The following CCDC3 variants were observed in gnomAD, a reference collection of about 807,000 sequenced individuals.
CCDC3 encodes coiled-coil domain containing 3.
In CCDC3, 24 loss-of-function variants were observed where a neutral mutation model predicts 21.4. The ratio of observed to expected loss-of-function variants is 1.12; its 90% CI spans 0.81 to 1.58. CCDC3 has a LOEUF of 1.58. CCDC3 is among the 40% of genes most tolerant of loss of function. The pLI is 0.00. For synonymous variants in CCDC3, 186 were observed against 166.0 expected (o/e 1.12, Z -0.93); for missense variants, 425 against 360.9 (o/e 1.18, Z -1.44).
chr10:12,942,747 C>G (rs1465699052), intron 2 of CCDC3, among the ~76,000 whole-genome samples: 1 of 152,210 alleles, frequency 6.6e-6, no homozygotes, highest in Non-Finnish European at 1.5e-5. Context: ...ACTGCCTCCT[C>G]AAGCTCTTCT....
chr10:12,976,283 A>G (rs920519166), intron 2 of CCDC3, among the ~76,000 whole-genome samples: 2 of 152,238 alleles, frequency 1.3e-5, no homozygotes, highest in Admixed American at 1.3e-4. Flanking sequence ...CTGGTGGTTG[A>G]GCATTCATTC....
chr10:12,990,843 T>A (rs972251539), intron 2 of CCDC3, among the ~76,000 whole-genome samples: 1 of 152,212 alleles, frequency 6.6e-6, no homozygotes, highest in Non-Finnish European at 1.5e-5. Flanking sequence ...AAGTACAAGA[T>A]AGGCCAATGT....
chr10:12,930,995 G>C (rs1834630272), intron 2 of CCDC3, among the ~76,000 whole-genome samples: 2 of 152,180 alleles, frequency 1.3e-5, no homozygotes, highest in South Asian at 4.2e-4. Flanking sequence ...AGGATCACCT[G>C]AGGTCAGGAC....
At chr10:13,006,759 T>A (rs1045695339) in intron 5 of CCDC3, among the ~76,000 whole-genome samples, 1 of 152,158 alleles carries the variant, frequency 6.6e-6, no homozygotes, top group African/African-American at 2.4e-5. Context: ...GCACCTGGCT[T>A]ACCTTTCAGT....
intron 4 of CCDC3, among the ~76,000 whole-genome samples, chr10:13,061,210 C>T (rs1804586965): frequency 6.6e-6 from 1 of 152,146 alleles, no homozygotes; most frequent in Admixed American, 6.5e-5. Flanking sequence ...CTAAAATCTT[C>T]CTGAGGATAC....
chr10:12,928,421 G>C (rs571582884), intron 2 of CCDC3, among the ~76,000 whole-genome samples: 3 of 152,292 alleles, frequency 2.0e-5, no homozygotes, highest in African/African-American at 7.2e-5. Flanking sequence ...AACCGTTTTA[G>C]GAATTACAAT....
chr10:12,989,899 C>A (rs1427219893), intron 2 of CCDC3, among the ~76,000 whole-genome samples: 1 of 151,800 alleles, frequency 6.6e-6, no homozygotes, highest in African/African-American at 2.4e-5. Context: ...TTCTAGCAGT[C>A]ATTGCATTCT....
intron 2 of CCDC3, among the ~76,000 whole-genome samples, chr10:12,946,208 T>C (rs59474076): frequency 0.057 from 8,612 of 152,282 alleles, 242 homozygotes; most frequent in Non-Finnish European, 0.072. Flanking sequence ...GTGAATTCCA[T>C]ACTGAAACCA....
chr10:13,014,601 TC>T (rs1836028055), intron 5 of CCDC3, among the ~76,000 whole-genome samples: 1 of 151,108 alleles, frequency 6.6e-6, no homozygotes, highest in South Asian at 2.1e-4. Flanking sequence ...AACTGAAATG[TC>T]AATGGTGGTA....
chr10:13,061,776 T>A (rs1836760778), intron 4 of CCDC3, among the ~76,000 whole-genome samples: 1 of 152,206 alleles, frequency 6.6e-6, no homozygotes. Context: ...CAGGTTCAGA[T>A]AAAAGATTGT....
chr10:13,066,715 C>G (rs920753894), intron 4 of CCDC3, among the ~76,000 whole-genome samples: 1 of 152,122 alleles, frequency 6.6e-6, no homozygotes, highest in Non-Finnish European at 1.5e-5. Context: ...CCCAGGGCCT[C>G]GTCTGAGCCT....
chr10:13,027,794 G>A (rs1378412119), intron 5 of CCDC3, among the ~76,000 whole-genome samples: 1 of 151,506 alleles, frequency 6.6e-6, no homozygotes, highest in African/African-American at 2.4e-5. Flanking sequence ...GACCTTACAA[G>A]GTGACTACTA....
At chr10:12,926,882 A>G (rs77770015) in intron 2 of CCDC3, among the ~76,000 whole-genome samples, 8,026 of 152,300 alleles carry the variant, frequency 0.053, 237 homozygotes, top group Non-Finnish European at 0.071. Context: ...CATTATAATC[A>G]TAAATGTGTA....
At chr10:13,062,323 G>A (rs1308749833) in intron 4 of CCDC3, among the ~76,000 whole-genome samples, 1 of 152,174 alleles carries the variant, frequency 6.6e-6, no homozygotes, top group Non-Finnish European at 1.5e-5. Flanking sequence ...TTGCTAGAAA[G>A]CTTAGAGTCA....
chr10:13,094,814 C>T (rs1318064824), intron 3 of CCDC3, among the ~76,000 whole-genome samples: 4 of 151,882 alleles, frequency 2.6e-5, no homozygotes, highest in Non-Finnish European at 5.9e-5. Context: ...CAGTGAGCCA[C>T]GACTATGCCA....
At chr10:12,988,835 T>C (rs951121872) in intron 2 of CCDC3, among the ~76,000 whole-genome samples, 1 of 152,162 alleles carries the variant, frequency 6.6e-6, no homozygotes, top group African/African-American at 2.4e-5. Context: ...AGTAAATATA[T>C]GTAGAATGAA....
At position 12,927,560 on chromosome 10, in the gene CCDC3, C is replaced by T. The variant is rs138014580; in HGVS notation, c.550-28881G>A. On this transcript the variant is annotated intron_variant, in intron 2 of 2. Coordinates refer to ENST00000378825, the MANE Select transcript of CCDC3 (RefSeq NM_031455.4). ...AAAGCCACTGATTTCTTATGAGAAA[C>T]TGGTTCATTTATGCTACAAATGGCA... Among the ~76,000 whole-genome samples the T allele has an allele frequency of 4.0e-3, 600 of 151,892 alleles. 9 individuals are homozygous for T. Among genetic ancestry groups the T allele is most frequent in the South Asian group, 0.025 (120 of 4,800 alleles).
intron 2 of CCDC3, among the ~76,000 whole-genome samples, chr10:12,989,487 T>C (rs1427914114): frequency 6.6e-6 from 1 of 152,186 alleles, no homozygotes; most frequent in Non-Finnish European, 1.5e-5. Context: ...AATGGCACGA[T>C]CTCAGCTCAC....
intron 2 of CCDC3, among the ~76,000 whole-genome samples, chr10:12,920,174 G>T (rs1834426272): frequency 6.6e-6 from 1 of 152,178 alleles, no homozygotes; most frequent in African/African-American, 2.4e-5. Context: ...CATGGTGGAA[G>T]GTGAAAGGCA....
Sources: gnomAD v4.1 joint callset for allele counts (sites outside exome capture counted in the v4.1 genomes callset) on GRCh38, gnomAD v4.1.1 for gene constraint, MANE v1.5 for transcripts, NCBI Gene and HGNC (gene_info 2026-07-23, HGNC 2026-07-21) for gene names.